The following RBFOX1 variants were observed in gnomAD, a reference collection of about 807,000 sequenced individuals.
RBFOX1 encodes RNA binding protein fox-1 homolog 1.
In RBFOX1, 8 loss-of-function variants were observed where a neutral mutation model predicts 57.7. The ratio of observed to expected loss-of-function variants is 0.14; its 90% CI spans 0.08 to 0.25. RBFOX1 has a LOEUF of 0.25. Among genes scored for constraint, RBFOX1 ranks in the 10% least tolerant of loss-of-function variants. The probability of loss-of-function intolerance (pLI) is 1.00; values close to 1 mark genes in which losing one functional copy is unlikely to be tolerated. For synonymous variants in RBFOX1, 326 were observed against 222.4 expected (o/e 1.47, Z -4.15); for missense variants, 611 against 548.5 (o/e 1.11, Z -1.14).
intron 4 of RBFOX1, chr16:7,332,684 C>G (rs2096714137): frequency 1.2e-6 from 1 of 845,688 alleles, no homozygotes; most frequent in East Asian, 5.1e-5. Flanking sequence ...CTCTCTCTCT[C>G]TCTGAGAACT....
chr16:7,107,897 G>A (rs997222840), intron 4 of RBFOX1, among the ~76,000 whole-genome samples: 6 of 151,974 alleles, frequency 3.9e-5, no homozygotes, highest in Admixed American at 2.0e-4. Flanking sequence ...GATGCTAAAC[G>A]GTGGAGGGAT....
At chr16:5,833,328 C>T (rs1453528477) in intron 3 of RBFOX1, among the ~76,000 whole-genome samples, 1 of 151,806 alleles carries the variant, frequency 6.6e-6, no homozygotes, top group African/African-American at 2.4e-5. Context: ...CCCATCTCTA[C>T]TAAAAATATA....
intron 4 of RBFOX1, among the ~76,000 whole-genome samples, chr16:7,512,760 C>G (rs920124647): frequency 2.6e-5 from 4 of 152,246 alleles, no homozygotes; most frequent in Non-Finnish European, 5.9e-5. Flanking sequence ...CAAGGCATTT[C>G]AAAGTCAGGC....
rs754520984 is a variant in RBFOX1, at chr16:6,836,559, C to G, written c.-16+181909C>G. ...ACGAATGACACCTTCAAATGGGAAC[C>G]TTTTGTGCCTAGAGAAATCAAATCA... is the stretch of plus-strand genomic sequence containing the variant. On this transcript the variant is annotated intron_variant, in intron 3 of 15. Transcript: ENST00000550418. Among the ~76,000 whole-genome samples the G allele has an allele frequency of 7.9e-5, 12 of 152,114 alleles. 1 individual carries two copies. Among genetic ancestry groups the G allele is most frequent in the Non-Finnish European group, 1.8e-4 (12 of 68,020 alleles).
At chr16:7,672,071 C>A (rs937993165) in intron 13 of RBFOX1, among the ~76,000 whole-genome samples, 1 of 152,156 alleles carries the variant, frequency 6.6e-6, no homozygotes, top group Non-Finnish European at 1.5e-5. Context: ...TCATGTGCAA[C>A]ATTAAGGGCC....
intron 1 of RBFOX1, among the ~76,000 whole-genome samples, chr16:5,463,312 C>T (rs1290759501): frequency 6.6e-6 from 1 of 152,122 alleles, no homozygotes; most frequent in African/African-American, 2.4e-5. Context: ...CAGGGCAGCT[C>T]AGTGGCATGA....
In RBFOX1 at chr16:6,759,473, C is replaced by CTCTGTGTG. The variant is rs758046729; in HGVS notation, c.-16+104824_-16+104825insCTGTGTGT. 1.0e-3 allele frequency among the ~76,000 whole-genome samples: 144 copies of CTCTGTGTG among 143,188 alleles called. 2 individuals carry two copies. The highest frequency in any genetic ancestry group is 3.4e-3 in the African/African-American group (125 of 37,304). The allele number at this position is 143,188 out of a possible 152,430, so 93.9% of individuals were successfully genotyped here. On this transcript the variant is annotated intron_variant, in intron 3 of 15. Transcript: ENST00000550418. ...CTTCATTTCTTGATATGTCAGTTGTCTGTGTGTGTGTGTGTGTGTGTGTGT... is the reference window on the plus strand; with the variant it reads ...CTTCATTTCTTGATATGTCAGTTGTCTCTGTGTGTGTGTGTGTGTGTGTGTGTGTGTGT...
chr16:7,085,284 G>C (rs1599045045), intron 4 of RBFOX1, among the ~76,000 whole-genome samples: 1 of 152,098 alleles, frequency 6.6e-6, no homozygotes, highest in African/African-American at 2.4e-5. Context: ...AAAGAGAACA[G>C]CTGCCACTCA....
intron 12 of RBFOX1, among the ~76,000 whole-genome samples, chr16:7,663,923 G>A (rs2068480503): frequency 6.6e-6 from 1 of 152,096 alleles, no homozygotes; most frequent in Non-Finnish European, 1.5e-5. Context: ...TTTACTCAAA[G>A]CATACCAAAA....
intron 3 of RBFOX1, among the ~76,000 whole-genome samples, chr16:6,997,456 C>T (rs529737630): frequency 6.6e-6 from 1 of 152,212 alleles, no homozygotes; most frequent in African/African-American, 2.4e-5. Flanking sequence ...AGCATTGCAC[C>T]AGCAATAAAC....
chr16:5,877,498 A>T (rs193098682), intron 4 of RBFOX1, among the ~76,000 whole-genome samples: 1 of 152,184 alleles, frequency 6.6e-6, no homozygotes, highest in Non-Finnish European at 1.5e-5. Flanking sequence ...TTCCTTTCCC[A>T]TTTACCCACA....
intron 2 of RBFOX1, among the ~76,000 whole-genome samples, chr16:5,506,849 C>G (rs2043396790): frequency 6.6e-6 from 1 of 152,142 alleles, no homozygotes; most frequent in Non-Finnish European, 1.5e-5. Context: ...TCTTCTCCAG[C>G]TATAGATCCT....
In RBFOX1 at chr16:6,494,784, A is replaced by C. The variant is rs116898364; in HGVS notation, c.-63-159819A>C. Among the ~76,000 whole-genome samples, 843 of 152,340 alleles carry C rather than the reference A, an allele frequency of 5.5e-3. 25 individuals are homozygous for C. The East Asian group carries it at 0.097, about 18-fold the overall frequency. The stretch of plus-strand genomic sequence containing the variant: ...TGGAAGTCAATGCCAGTTGCGTACA[A>C]ACTGATACAAGGAAAAAAGAAAATT... On this transcript the variant is annotated intron_variant, in intron 2 of 15. Coordinates refer to ENST00000550418, the MANE Select transcript of RBFOX1 (RefSeq NM_018723.4).
At chr16:7,571,323 C>T (rs1021634004) in intron 5 of RBFOX1, among the ~76,000 whole-genome samples, 1 of 152,094 alleles carries the variant, frequency 6.6e-6, no homozygotes, top group African/African-American at 2.4e-5. Context: ...GAGGAAACCC[C>T]AGGAGGGGGA....
intron 1 of RBFOX1, among the ~76,000 whole-genome samples, chr16:5,293,237 G>A (rs1012554253): frequency 6.6e-6 from 1 of 152,038 alleles, no homozygotes; most frequent in Non-Finnish European, 1.5e-5. Flanking sequence ...AGGAGTTATC[G>A]CTTGAACCTG....
At chr16:7,562,283 G>A (rs1333862485) in intron 5 of RBFOX1, among the ~76,000 whole-genome samples, 1 of 152,162 alleles carries the variant, frequency 6.6e-6, no homozygotes, top group African/African-American at 2.4e-5. Flanking sequence ...ACAGCAGGAT[G>A]GGAAAGAGCT....
At chr16:5,901,954 G>A (rs765464552) in intron 4 of RBFOX1, among the ~76,000 whole-genome samples, 80 of 151,972 alleles carry the variant, frequency 5.3e-4, no homozygotes, top group Non-Finnish European at 9.9e-4. Flanking sequence ...CTTATCCTAC[G>A]TCTAAACTCT....
intron 3 of RBFOX1, among the ~76,000 whole-genome samples, chr16:6,671,272 T>C (rs1373619567): frequency 6.6e-6 from 1 of 152,132 alleles, no homozygotes; most frequent in Non-Finnish European, 1.5e-5. Context: ...GCACAGAACA[T>C]GATAGAGTAT....
chr16:6,686,787 G>A (rs182621414), intron 3 of RBFOX1, among the ~76,000 whole-genome samples: 1 of 152,178 alleles, frequency 6.6e-6, no homozygotes, highest in East Asian at 1.9e-4. Flanking sequence ...ACCCAACCCA[G>A]TTAACACATC....
Sources: gnomAD v4.1 joint callset for allele counts (sites outside exome capture counted in the v4.1 genomes callset) on GRCh38, gnomAD v4.1.1 for gene constraint, MANE v1.5 for transcripts, NCBI Gene and HGNC (gene_info 2026-07-23, HGNC 2026-07-21) for gene names.